Variants in FRAS1 observed in about 807,000 individuals in gnomAD.
FRAS1 encodes Fraser extracellular matrix complex subunit 1.
A neutral mutation model predicts 435.2 loss-of-function variants in FRAS1; 290 were observed. That is an observed-to-expected ratio of 0.67 (90% CI 0.61 to 0.73). The LOEUF (loss-of-function observed/expected upper bound fraction) is 0.73. Among genes scored for constraint, FRAS1 ranks in the 30% least tolerant of loss-of-function variants. The pLI, the probability that FRAS1 is intolerant of heterozygous loss-of-function variation, is 0.00. For synonymous variants in FRAS1, 1,800 were observed against 1,851.0 expected (o/e 0.97, Z 0.71); for missense variants, 4,860 against 5,001.5 (o/e 0.97, Z 0.85).
chr4:78,243,579 T>G (rs1288410839), intron 3 of FRAS1, among the ~76,000 whole-genome samples: 1 of 152,036 alleles, frequency 6.6e-6, no homozygotes, highest in Non-Finnish European at 1.5e-5. Flanking sequence ...ACTCAACTCT[T>G]TTATGTTCCA....
chr4:78,310,992 G>A (rs116210377), intron 15 of FRAS1, among the ~76,000 whole-genome samples: 1,892 of 152,272 alleles, frequency 0.012, 35 homozygotes, highest in South Asian at 0.052. Context: ...CCTGTGGTAC[G>A]TGTATTGCGT....
intron 50 of FRAS1, among the ~76,000 whole-genome samples, chr4:78,468,978 T>C (rs916999800): frequency 1.3e-5 from 2 of 152,208 alleles, no homozygotes; most frequent in Non-Finnish European, 2.9e-5. Context: ...AGTTAGCTGG[T>C]ATGTCGGTGG....
intron 1 of FRAS1, among the ~76,000 whole-genome samples, chr4:78,061,858 T>G (rs1578098810): frequency 6.6e-6 from 1 of 152,134 alleles, no homozygotes; most frequent in Admixed American, 6.5e-5. Flanking sequence ...TTAATGTCAG[T>G]TGAATAGCAG....
At chr4:78,137,489 C>T (rs1719973004) in intron 2 of FRAS1, among the ~76,000 whole-genome samples, 1 of 151,988 alleles carries the variant, frequency 6.6e-6, no homozygotes, top group Non-Finnish European at 1.5e-5. Flanking sequence ...TTAAAAAATG[C>T]CATCTTAATT....
intron 47 of FRAS1, among the ~76,000 whole-genome samples, chr4:78,462,391 G>A (rs1323541715): frequency 6.6e-6 from 1 of 151,674 alleles, no homozygotes; most frequent in African/African-American, 2.4e-5. Context: ...CAAAAAAAAA[G>A]AAAAAGAAAA....
At chr4:78,412,155 A>G (rs1036574310) in intron 31 of FRAS1, among the ~76,000 whole-genome samples, 12 of 146,582 alleles carry the variant, frequency 8.2e-5, no homozygotes, top group African/African-American at 3.0e-4. Context: ...AAAGACAGAG[A>G]AGACAGGCTT....
intron 68 of FRAS1, among the ~76,000 whole-genome samples, chr4:78,522,271 A>C (rs1255168218): frequency 1.3e-5 from 2 of 152,196 alleles, no homozygotes; most frequent in Admixed American, 1.3e-4. Context: ...TTCCATTTAT[A>C]AACTACTGAG....
chr4:78,099,807 T>A (rs1166599202), intron 2 of FRAS1, among the ~76,000 whole-genome samples: 1 of 152,174 alleles, frequency 6.6e-6, no homozygotes, highest in Non-Finnish European at 1.5e-5. Context: ...TAAAATAGCT[T>A]ATCATATTGA....
chr4:78,407,604 G>T, intron 30 of FRAS1, 59 bp from the exon 31 acceptor site: 1 of 1,412,216 alleles, frequency 7.1e-7, no homozygotes, highest in African/African-American at 1.5e-5. Context: ...AGGAAAGGAG[G>T]TAAGGGCTCT....
chr4:78,453,831 T>G (rs563728392), intron 47 of FRAS1, among the ~76,000 whole-genome samples: 1 of 152,224 alleles, frequency 6.6e-6, no homozygotes, highest in African/African-American at 2.4e-5. Flanking sequence ...AGAATTATCT[T>G]TATTTCTTGG....
Position 78,542,990 on chromosome 4 carries a change from G to C in FRAS1, c.*1866G>C, listed in dbSNP as rs565532477. 6.6e-6 allele frequency: 1 copy of C among 152,358 alleles called. No homozygotes were observed. The highest frequency in any genetic ancestry group is 1.5e-5 in the Non-Finnish European group (1 of 68,036). 9.4% of individuals were successfully genotyped at this position (152,358 alleles called of 1,614,324 possible). A position where few individuals can be genotyped will look rare whatever the true frequency, so the allele number is the denominator to read the frequency against. ...TCATAAAAATGTATCATCAGCAGGA[G>C]ATGAGACTATGAATTGGCATCCAGA... is the stretch of plus-strand genomic sequence containing the variant. On this transcript the variant is annotated 3_prime_UTR_variant, in exon 74 of 74. Transcript: ENST00000512123.
chr4:78,138,021 T>A (rs554880000), intron 2 of FRAS1, among the ~76,000 whole-genome samples: 1 of 152,336 alleles, frequency 6.6e-6, no homozygotes, highest in East Asian at 1.9e-4. Flanking sequence ...GCACCCAGTG[T>A]GCACTGGTTT....
chr4:78,200,920 T>TA (rs1723027863), intron 2 of FRAS1, among the ~76,000 whole-genome samples: 1 of 147,530 alleles, frequency 6.8e-6, no homozygotes, highest in African/African-American at 2.5e-5. Context: ...TATATATATG[T>TA]TAAATATATA....
chr4:78,354,752 A>G (rs1730785158), intron 20 of FRAS1, among the ~76,000 whole-genome samples: 1 of 152,214 alleles, frequency 6.6e-6, no homozygotes, highest in Non-Finnish European at 1.5e-5. Context: ...GTGTGTCTAA[A>G]TTTGTCTTTA....
intron 3 of FRAS1, among the ~76,000 whole-genome samples, chr4:78,243,726 A>T (rs1485663563): frequency 6.6e-6 from 1 of 152,130 alleles, no homozygotes; most frequent in Non-Finnish European, 1.5e-5. Flanking sequence ...TATTATATTT[A>T]TAAAATGAGC....
At chr4:78,127,544 G>A (rs1266129374) in intron 2 of FRAS1, among the ~76,000 whole-genome samples, 1 of 152,022 alleles carries the variant, frequency 6.6e-6, no homozygotes, top group Non-Finnish European at 1.5e-5. Context: ...TAAGAAGTAA[G>A]GTCATTAAGA....
intron 25 of FRAS1, among the ~76,000 whole-genome samples, 151 bp downstream of exon 25, chr4:78,374,402 A>G (rs1027144070): frequency 2.6e-5 from 4 of 152,228 alleles, no homozygotes; most frequent in African/African-American, 7.2e-5. Context: ...CTTCCCATGC[A>G]TATCTGCCGT....
chr4:78,251,146 G>C (rs1211722209), intron 4 of FRAS1, among the ~76,000 whole-genome samples: 2 of 152,006 alleles, frequency 1.3e-5, no homozygotes, highest in South Asian at 4.2e-4. Flanking sequence ...AAGCATAAAG[G>C]TCAATTGCCC....
chr4:78,423,639 A>G (rs1036264458), intron 34 of FRAS1, among the ~76,000 whole-genome samples: 4 of 152,250 alleles, frequency 2.6e-5, no homozygotes, highest in Non-Finnish European at 5.9e-5. Context: ...GATGTTTGCC[A>G]TTATTTAATA....
Sources: allele counts gnomAD v4.1 joint callset (sites outside exome capture counted in the v4.1 genomes callset), GRCh38; gene constraint gnomAD v4.1.1; transcripts MANE v1.5; gene names NCBI Gene and HGNC (gene_info 2026-07-23, HGNC 2026-07-21).